KATNIP: variants seen among roughly 807,000 people sequenced by gnomAD.
The protein encoded by KATNIP is katanin interacting protein.
In KATNIP, 126 loss-of-function variants were observed where a neutral mutation model predicts 174.0. That is an observed-to-expected ratio of 0.72 (90% confidence interval 0.63 to 0.84). KATNIP has a LOEUF of 0.84. Among genes scored for constraint, KATNIP ranks in the 40% least tolerant of loss-of-function variants. The pLI is 0.00. For missense variants in KATNIP, 1,958 were observed against 2,109.7 expected, an observed-to-expected ratio of 0.93 and a Z score of 1.41; for synonymous variants, 810 against 835.7, an observed-to-expected ratio of 0.97 and a Z score of 0.53.
chr16:27,725,118 A>C (rs896462000), intron 14 of KATNIP, among the ~76,000 whole-genome samples: 4 of 152,228 alleles, frequency 2.6e-5, no homozygotes, highest in African/African-American at 7.2e-5. Context: ...AGATGCCTCT[A>C]CTTGTGACAG....
intron 15 of KATNIP, 104 bp downstream of exon 15, chr16:27,741,024 A>C: frequency 1.7e-6 from 2 of 1,182,278 alleles, no homozygotes; most frequent in Non-Finnish European, 2.4e-6. Context: ...TCTGCACAAC[A>C]AGATGGTTGT....
chr16:27,592,774 C>T (rs992601345), intron 2 of KATNIP, among the ~76,000 whole-genome samples: 2 of 152,012 alleles, frequency 1.3e-5, no homozygotes, highest in African/African-American at 4.8e-5. Context: ...AGGCTGGTCT[C>T]GAACTCCTGA....
At chr16:27,635,628 C>T (rs562716835) in intron 5 of KATNIP, among the ~76,000 whole-genome samples, 2 of 151,950 alleles carry the variant, frequency 1.3e-5, no homozygotes, top group Non-Finnish European at 2.9e-5. Context: ...TTCAAGAAGG[C>T]TCAGTTCCTG....
At chr16:27,751,620 G>A in intron 16 of KATNIP, 99 bp from the exon 17 acceptor site, 1 of 1,088,560 alleles carries the variant, frequency 9.2e-7, no homozygotes. Flanking sequence ...AAGGGTGTGG[G>A]GTTGTACAGC....
At chr16:27,563,211 C>T (rs1288679056) in intron 1 of KATNIP, among the ~76,000 whole-genome samples, 3 of 152,128 alleles carry the variant, frequency 2.0e-5, no homozygotes, top group Non-Finnish European at 4.4e-5. Context: ...GGACTGAGGG[C>T]TGGGTCCCTC....
At chr16:27,707,662 G>A (rs929869513) in intron 12 of KATNIP, among the ~76,000 whole-genome samples, 43 of 152,344 alleles carry the variant, frequency 2.8e-4, no homozygotes, top group African/African-American at 1.0e-3. Flanking sequence ...TACCACACAT[G>A]GGGTGGCTTC....
In KATNIP at chr16:27,694,524, G is replaced by A. The variant is rs952219461; in HGVS notation, c.941-3804G>A. Among the ~76,000 whole-genome samples the A allele has an allele frequency of 2.0e-4, 30 of 152,100 alleles. No homozygotes were observed. In the Middle Eastern group the frequency reaches 0.01, roughly 52 times the overall value. On this transcript the variant is annotated intron_variant, in intron 8 of 27. Coordinates refer to ENST00000261588, the MANE Select transcript of KATNIP (RefSeq NM_015202.5). Reference sequence around the variant, plus strand: ...AAATTTACATCTCCAGGCCAGGCACGGTGGCTCATGCCTGTAATCCCAGCA... The same window carrying A: ...AAATTTACATCTCCAGGCCAGGCACAGTGGCTCATGCCTGTAATCCCAGCA...
chr16:27,604,789 T>G (rs1249443568), intron 2 of KATNIP, among the ~76,000 whole-genome samples: 1 of 152,196 alleles, frequency 6.6e-6, no homozygotes, highest in Non-Finnish European at 1.5e-5. Flanking sequence ...TCTGCCACCT[T>G]GTAGGTGGCA....
At chr16:27,589,010 C>A (rs769043087) in intron 2 of KATNIP, among the ~76,000 whole-genome samples, 8 of 151,708 alleles carry the variant, frequency 5.3e-5, no homozygotes, top group Non-Finnish European at 7.4e-5. Context: ...CCTCAGCCTC[C>A]CTAGTAGCTG....
intron 2 of KATNIP, among the ~76,000 whole-genome samples, chr16:27,576,925 G>A (rs750938795): frequency 2.0e-4 from 30 of 152,038 alleles, no homozygotes; most frequent in Non-Finnish European, 3.8e-4. Flanking sequence ...GGGTGAACAC[G>A]TGGTGGTGAG....
chr16:27,710,221 G>T (rs1004990128), intron 13 of KATNIP, among the ~76,000 whole-genome samples: 1 of 152,124 alleles, frequency 6.6e-6, no homozygotes, highest in Admixed American at 6.6e-5. Context: ...TTAGCCAGGC[G>T]TTGGGGCACA....
Position 27,677,889 on chromosome 16 carries a change from G to A in KATNIP, c.701G>A (p.Ser234Asn). The change falls in exon 7 of 28, where the codon AGT (serine) becomes AAT (asparagine). Residue 234 changes from serine (S) to asparagine (N), a missense_variant. Coordinates refer to ENST00000261588, the MANE Select transcript of KATNIP (RefSeq NM_015202.5). ...CCCAGACATGACCGCCCTCCTTCCA[G>A]TGGCGACTGGACTCAGAAAGATGTT... ...GHPRHDRPPSSGDWTQKDVHG... is the reference protein window; with the variant it reads ...GHPRHDRPPSNGDWTQKDVHG... 1 of 1,614,192 alleles carries A rather than the reference G, an allele frequency of 6.2e-7. No individual in the cohort carries two copies. The highest frequency in any genetic ancestry group is 8.5e-7 in the Non-Finnish European group (1 of 1,180,038).
chr16:27,736,119 C>T (rs969076699), intron 14 of KATNIP, among the ~76,000 whole-genome samples: 1 of 152,216 alleles, frequency 6.6e-6, no homozygotes, highest in Non-Finnish European at 1.5e-5. Context: ...TCTCCTGCCT[C>T]AGCCTCCCGA....
At chr16:27,626,279 A>C (rs1242786817) in intron 3 of KATNIP, among the ~76,000 whole-genome samples, 1 of 148,944 alleles carries the variant, frequency 6.7e-6, no homozygotes, top group Non-Finnish European at 1.5e-5. Context: ...AGCAGCTTCC[A>C]CTTCTCTGGT....
chr16:27,551,470 C>T (rs2089365781), intron 1 of KATNIP, among the ~76,000 whole-genome samples: 1 of 152,156 alleles, frequency 6.6e-6, no homozygotes, highest in Non-Finnish European at 1.5e-5. Context: ...ACCTTTTAAG[C>T]CTTGGGACCC....
At chr16:27,716,806 C>T (rs1206910868) in intron 13 of KATNIP, among the ~76,000 whole-genome samples, 4 of 152,012 alleles carry the variant, frequency 2.6e-5, no homozygotes, top group East Asian at 1.9e-4. Context: ...TACATTTTGT[C>T]GTTTCAAGAA....
At chr16:27,656,785 G>C (rs2077305058) in intron 6 of KATNIP, among the ~76,000 whole-genome samples, 1 of 135,566 alleles carries the variant, frequency 7.4e-6, no homozygotes, top group Non-Finnish European at 1.6e-5. Flanking sequence ...TCTGGGGACT[G>C]TGGTGGGGAG....
chr16:27,565,924 A>G (rs1327209621), intron 1 of KATNIP, among the ~76,000 whole-genome samples: 2 of 152,058 alleles, frequency 1.3e-5, no homozygotes, highest in Non-Finnish European at 2.9e-5. Flanking sequence ...TTTTTAAATT[A>G]TTAATCATTT....
At chr16:27,718,332 AC>A (rs984702184) in intron 13 of KATNIP, 1 of 152,004 alleles carries the variant, frequency 6.6e-6, no homozygotes, top group African/African-American at 2.4e-5. Flanking sequence ...TGTATTCCTT[AC>A]CCCCTGTGTT....
Sources: gnomAD v4.1 joint callset for allele counts (sites outside exome capture counted in the v4.1 genomes callset) on GRCh38, gnomAD v4.1.1 for gene constraint, MANE v1.5 for transcripts, NCBI Gene and HGNC (gene_info 2026-07-23, HGNC 2026-07-21) for gene names.